MLLT10: variants seen among roughly 807,000 people sequenced by gnomAD.
The protein encoded by MLLT10 is protein AF-10.
In MLLT10, 30 loss-of-function variants were observed where a neutral mutation model predicts 129.1. The observed-to-expected ratio is 0.23, with a 90% confidence interval of 0.17 to 0.32. MLLT10 has a LOEUF of 0.32. Among genes scored for constraint, MLLT10 ranks in the 10% least tolerant of loss-of-function variants. MLLT10 has a pLI of 1.00. For missense variants in MLLT10, 1,119 were observed against 1,268.3 expected (o/e 0.88, Z 1.79); for synonymous variants, 490 against 446.4 (o/e 1.10, Z -1.23).
chr10:21,720,323 G>A (rs1317537128), intron 14 of MLLT10, among the ~76,000 whole-genome samples: 1 of 152,202 alleles, frequency 6.6e-6, no homozygotes, highest in African/African-American at 2.4e-5. Context: ...CTACTCATGG[G>A]ACCTGAAAGT....
chr10:21,563,768 C>T (rs115625437), intron 3 of MLLT10, among the ~76,000 whole-genome samples: 4,181 of 150,950 alleles, frequency 0.028, 196 homozygotes, highest in African/African-American at 0.095. Flanking sequence ...TTTTGATAGG[C>T]GGGTAGTGAT....
At chr10:21,624,221 A>C (rs566641230) in intron 8 of MLLT10, among the ~76,000 whole-genome samples, 2 of 152,214 alleles carry the variant, frequency 1.3e-5, no homozygotes, top group African/African-American at 4.8e-5. Flanking sequence ...TATTTACAGC[A>C]TACTCCATAC....
intron 11 of MLLT10, among the ~76,000 whole-genome samples, chr10:21,677,022 A>C (rs2052234874): frequency 6.6e-6 from 1 of 152,194 alleles, no homozygotes; most frequent in South Asian, 2.1e-4. Context: ...GCAGTTAATA[A>C]GCATTAAGTG....
intron 8 of MLLT10, among the ~76,000 whole-genome samples, chr10:21,636,664 T>C (rs1425051550): frequency 2.0e-5 from 3 of 151,974 alleles, no homozygotes; most frequent in Non-Finnish European, 4.4e-5. Context: ...AACCTCTGCC[T>C]CCAGGGTGCA....
chr10:21,668,949 G>T, intron 9 of MLLT10: 2 of 1,321,006 alleles, frequency 1.5e-6, no homozygotes, highest in Non-Finnish European at 2.0e-6. Flanking sequence ...GAGGAATGGA[G>T]AACCTCAGGA....
intron 15 of MLLT10, among the ~76,000 whole-genome samples, chr10:21,726,957 G>A (rs779394312): frequency 3.3e-5 from 5 of 152,170 alleles, no homozygotes; most frequent in Admixed American, 6.5e-5. Context: ...ATGTTCACCA[G>A]TTGACGTTTT....
At chr10:21,737,535 A>G (rs529211160) in intron 21 of MLLT10, among the ~76,000 whole-genome samples, 1 of 152,182 alleles carries the variant, frequency 6.6e-6, no homozygotes, top group Non-Finnish European at 1.5e-5. Flanking sequence ...GGTGGGTTTT[A>G]TGTGGAGGGT....
At chr10:21,668,416 A>G (rs2051058162) in intron 9 of MLLT10, among the ~76,000 whole-genome samples, 1 of 152,136 alleles carries the variant, frequency 6.6e-6, no homozygotes, top group Admixed American at 6.5e-5. Flanking sequence ...TTTTAAAATC[A>G]TTTTTAAACC....
chr10:21,664,266 T>G (rs1280086238), intron 9 of MLLT10, among the ~76,000 whole-genome samples: 1 of 152,020 alleles, frequency 6.6e-6, no homozygotes, highest in African/African-American at 2.4e-5. Context: ...ACATGGATTA[T>G]CTTGTTAAAC....
At chr10:21,572,800 A>T (rs907246192) in intron 3 of MLLT10, among the ~76,000 whole-genome samples, 1 of 151,278 alleles carries the variant, frequency 6.6e-6, no homozygotes, top group African/African-American at 2.5e-5. Flanking sequence ...TTTAGTAGAG[A>T]TAGGGTTTCA....
intron 5 of MLLT10, among the ~76,000 whole-genome samples, chr10:21,607,247 T>C (rs989367912): frequency 1.3e-5 from 2 of 152,064 alleles, no homozygotes; most frequent in Non-Finnish European, 2.9e-5. Context: ...TTTGCTATTA[T>C]TATAATAAAC....
chr10:21,701,066 A>C (rs1011150076), intron 13 of MLLT10, among the ~76,000 whole-genome samples: 3 of 151,890 alleles, frequency 2.0e-5, no homozygotes, highest in Non-Finnish European at 4.4e-5. Flanking sequence ...GGTAGGTTGT[A>C]TGTTTTTTGG....
chr10:21,702,040 C>T (rs1424604542), intron 13 of MLLT10, among the ~76,000 whole-genome samples: 1 of 152,066 alleles, frequency 6.6e-6, no homozygotes, highest in African/African-American at 2.4e-5. Context: ...GATTCTCCTG[C>T]CTCAGCCTCC....
intron 8 of MLLT10, chr10:21,625,089 T>G: frequency 1.1e-6 from 1 of 884,494 alleles, no homozygotes; most frequent in Non-Finnish European, 1.8e-6. Flanking sequence ...CATGCCATAG[T>G]AATCTGGAGG....
rs1357972175 is a variant in MLLT10 at position 21,742,144 on chromosome 10, GT to G, written c.*165del. ...GGACATTCTTGTAAGGCTTTGATTAGTTTTCTTGTTGCTTTGTTGCACTGAA... is the reference window on the plus strand; with the variant it reads ...GGACATTCTTGTAAGGCTTTGATTAGTTTCTTGTTGCTTTGTTGCACTGAA... On this transcript the variant is annotated 3_prime_UTR_variant, in exon 23 of 23. Transcript: ENST00000307729. 1.6e-6 allele frequency: 1 copy of G among 618,066 alleles called. No homozygotes were observed. The highest frequency in any genetic ancestry group is 2.7e-6 in the Non-Finnish European group (1 of 371,028). 38.3% of individuals were successfully genotyped at this position (618,066 alleles called of 1,614,324 possible).
At chr10:21,696,823 T>G (rs1411943537) in intron 13 of MLLT10, among the ~76,000 whole-genome samples, 2 of 152,126 alleles carry the variant, frequency 1.3e-5, no homozygotes, top group East Asian at 3.8e-4. Context: ...TTAAGTCATC[T>G]CCCTGACTCC....
chr10:21,583,479 G>C (rs1210014495), intron 3 of MLLT10, among the ~76,000 whole-genome samples: 4 of 152,154 alleles, frequency 2.6e-5, no homozygotes, highest in Non-Finnish European at 4.4e-5. Flanking sequence ...GTATTAGCCT[G>C]TTTCAGGTTA....
At chr10:21,544,705 C>G (rs2035792123) in intron 3 of MLLT10, among the ~76,000 whole-genome samples, 1 of 152,056 alleles carries the variant, frequency 6.6e-6, no homozygotes, top group Non-Finnish European at 1.5e-5. Context: ...AGGGAATAAT[C>G]AAAGATGATT....
intron 9 of MLLT10, chr10:21,668,962 A>T: frequency 7.5e-7 from 1 of 1,340,744 alleles, no homozygotes; most frequent in Non-Finnish European, 9.8e-7. Flanking sequence ...CCTCAGGATC[A>T]ACTCAAGTAA....
Sources: allele counts gnomAD v4.1 joint callset (sites outside exome capture counted in the v4.1 genomes callset), GRCh38; gene constraint gnomAD v4.1.1; transcripts MANE v1.5; gene names NCBI Gene and HGNC (gene_info 2026-07-23, HGNC 2026-07-21).